GPR143: variants seen among roughly 807,000 people sequenced by gnomAD.
GPR143 encodes the protein G protein-coupled receptor 143, also known as G-protein coupled receptor 143.
GPR143 carries 8 observed loss-of-function variants against 27.6 expected under a neutral mutation model. That is an observed-to-expected ratio of 0.29 (90% CI 0.17 to 0.52). The LOEUF (loss-of-function observed/expected upper bound fraction) is 0.52, where lower values mean the gene tolerates loss of function less well. GPR143 is among the 20% of genes least tolerant of loss of function. GPR143 has a pLI of 0.96. For missense variants in GPR143, 303 were observed against 343.1 expected (o/e 0.88, Z 0.92); for synonymous variants, 156 against 153.2 (o/e 1.02, Z -0.13).
chrX:9,738,615 G>GTTTGTT (rs1343344588), intron 8 of GPR143: 2 of 468,922 alleles, frequency 4.3e-6, no homozygotes, highest in Non-Finnish European at 5.3e-6. Flanking sequence ...CAATGTATTT[G>GTTTGTT]TTTGTTTTTG....
chrX:9,778,136 C>A (rs2083576780), intron 1 of GPR143, among the ~76,000 whole-genome samples: 1 of 111,741 alleles, frequency 8.9e-6, no homozygotes. Context: ...AAGCAAGCGG[C>A]TTACAAGAAA....
chrX:9,726,775 T>C (rs1364092450), intron 8 of GPR143, among the ~76,000 whole-genome samples: 1 of 111,856 alleles, frequency 8.9e-6, no homozygotes, highest in Non-Finnish European at 1.9e-5. Context: ...GTGGGGCTAA[T>C]TCTACCTGGC....
In GPR143 at chrX:9,746,083, C is replaced by A; in HGVS notation, c.619G>T (p.Val207Leu). The A allele has an allele frequency of 8.3e-7, 1 of 1,203,078 alleles. No individual in the cohort carries two copies. Among genetic ancestry groups the A allele is most frequent in the Non-Finnish European group, 1.1e-6 (1 of 887,803 alleles). ...TTTTGGAACAGGATGGGGTTCGCCA[C>A]GAGAACCAGCAGCAGGGGCAGGTAC... ...TMYLPLLLVL[V>L]ANPILFQKTV... Residue 207 changes from valine (V) to leucine (L), a missense_variant, in exon 5 of 9, where the codon GTG becomes TTG. Transcript: ENST00000467482.
At chrX:9,770,952 T>G (rs761777162), upstream of GPR143, among the ~76,000 whole-genome samples, 1 of 111,747 alleles carries the variant, frequency 8.9e-6, no homozygotes, top group Non-Finnish European at 1.9e-5. Context: ...TGAGCAATGG[T>G]ATAGATTCTG....
rs184521924 is a variant in GPR143 at position 9,725,965 on chromosome X, C to T, written c.1121-125G>A. 1,056 of 252,447 alleles carry T rather than the reference C, an allele frequency of 4.2e-3. 10 individuals carry two copies. In the African/African-American group the frequency reaches 0.043, roughly 10 times the overall value. 20.8% of individuals were successfully genotyped at this position (252,447 alleles called of 1,213,427 possible). Reference sequence around the variant, plus strand: ...GGACCAACTTTGGTCAAAGTCCTAGCATTCATCTCATCTGCAAAAAAAAAA... The same window carrying T: ...GGACCAACTTTGGTCAAAGTCCTAGTATTCATCTCATCTGCAAAAAAAAAA... On this transcript the variant is annotated intron_variant, in intron 8 of 8. Transcript: ENST00000467482.
chrX:9,748,034 G>C lies in GPR143; in HGVS notation c.548+540C>G, dbSNP rs141049648. 718 of 118,566 alleles carry C rather than the reference G, an allele frequency of 6.1e-3. 7 individuals are homozygous for C. Among genetic ancestry groups the C allele is most frequent in the African/African-American group, 0.022 (673 of 31,092 alleles). 9.8% of individuals were successfully genotyped at this position (118,566 alleles called of 1,213,427 possible). A position where few individuals can be genotyped will look rare whatever the true frequency, so the allele number is the denominator to read the frequency against. The stretch of plus-strand genomic sequence containing the variant: ...GTTGCATGGACAGGAATGTAAACTT[G>C]AGGAAATGCTTGAGACAGTTCCAGC... On this transcript the variant is annotated intron_variant, in intron 4 of 8. Coordinates refer to ENST00000467482, the MANE Select transcript of GPR143 (RefSeq NM_000273.3).
chrX:9,766,917 A>T (rs1170128189), upstream of GPR143, among the ~76,000 whole-genome samples: 12 of 104,750 alleles, frequency 1.1e-4, no homozygotes, highest in African/African-American at 4.0e-4. Context: ...ACACACACAC[A>T]CACACACACA....
At chrX:9,725,970 A>G in intron 8 of GPR143, 130 bp from the exon 9 acceptor site, 11 of 644,553 alleles carry the variant, frequency 1.7e-5, no homozygotes, top group East Asian at 1.1e-4. Context: ...CCTAGCATTC[A>G]TCTCATCTGC....
intron 8 of GPR143, 86 bp from the exon 9 acceptor site, chrX:9,725,926 A>G (rs2083323814): frequency 3.1e-6 from 3 of 980,320 alleles, no homozygotes; most frequent in East Asian, 6.8e-5. Context: ...TATTCAGTGC[A>G]TGGAGTTTTT....
chrX:9,755,333 G>A (rs1007861511), intron 3 of GPR143, among the ~76,000 whole-genome samples: 5 of 111,547 alleles, frequency 4.5e-5, no homozygotes, highest in Non-Finnish European at 7.5e-5. Context: ...CAGGAGAATC[G>A]CTTGAACCCA....
rs2083320888 is a variant in GPR143, at chrX:9,725,467, A to C, written c.*279T>G. The C allele has an allele frequency of 3.1e-6, 1 of 323,834 alleles. No individual in the cohort carries two copies. The highest frequency in any genetic ancestry group is 5.4e-6 in the Non-Finnish European group (1 of 185,952). 26.7% of individuals were successfully genotyped at this position (323,834 alleles called of 1,213,427 possible). A position where few individuals can be genotyped will look rare whatever the true frequency, so the allele number is the denominator to read the frequency against. Reference sequence around the variant, plus strand: ...CCCCAAGGATGTGGACCTTACACTTACTTTACAGCCAGCCTCAGAAAACTT... The same window carrying C: ...CCCCAAGGATGTGGACCTTACACTTCCTTTACAGCCAGCCTCAGAAAACTT... On this transcript the variant is annotated 3_prime_UTR_variant, in exon 9 of 9. Coordinates refer to ENST00000467482, the MANE Select transcript of GPR143 (RefSeq NM_000273.3).
At chrX:9,734,606 C>T (rs1054857889) in intron 8 of GPR143, among the ~76,000 whole-genome samples, 3 of 112,143 alleles carry the variant, frequency 2.7e-5, no homozygotes, top group African/African-American at 9.7e-5. Context: ...TCAGCCTCAC[C>T]GGCCTGGGCT....
chrX:9,746,056 T>C lies in GPR143; in HGVS notation c.646A>G (p.Thr216Ala). The change falls in exon 5 of 9, where the codon ACA (threonine) becomes GCA (alanine). Residue 216 changes from threonine to alanine, a missense_variant. Transcript: ENST00000467482. Reference protein sequence around the residue: ...LVANPILFQKTVTAVASLLKG... With the variant: ...LVANPILFQKAVTAVASLLKG... Reference sequence around the variant, plus strand: ...CCCTAGTATTTACCTGCAGTCACTGTCTTTTGGAACAGGATGGGGTTCGCC... The same window carrying C: ...CCCTAGTATTTACCTGCAGTCACTGCCTTTTGGAACAGGATGGGGTTCGCC... The C allele has an allele frequency of 8.5e-7, 1 of 1,178,445 alleles. No homozygotes were observed. The highest frequency in any genetic ancestry group is 1.2e-6 in the Non-Finnish European group (1 of 865,076).
intron 3 of GPR143, 67 bp downstream of exon 3, chrX:9,759,265 C>G: frequency 1.5e-6 from 1 of 677,312 alleles, no homozygotes; most frequent in Non-Finnish European, 2.4e-6. Flanking sequence ...TTTAAACGCT[C>G]AGTGCCATCT....
At chrX:9,741,242 C>T in intron 7 of GPR143, 96 bp downstream of exon 7, 2 of 456,540 alleles carry the variant, frequency 4.4e-6, no homozygotes. Context: ...ATGATCATGC[C>T]ACCGCTTTCC....
chrX:9,728,399 C>CAAA (rs59182343), intron 8 of GPR143, among the ~76,000 whole-genome samples: 93 of 77,135 alleles, frequency 1.2e-3, no homozygotes, highest in African/African-American at 3.4e-3. Flanking sequence ...TGTTAAGGAA[C>CAAA]AAAAAAAAAA....
chrX:9,752,646 T>C (rs978220888), intron 3 of GPR143, among the ~76,000 whole-genome samples: 4 of 111,196 alleles, frequency 3.6e-5, no homozygotes, highest in Non-Finnish European at 7.5e-5. Context: ...TAACCCACCA[T>C]TGCTGGCTTT....
chrX:9,746,084 G>A lies in GPR143; in HGVS notation c.618C>T (p.Leu206=), dbSNP rs765992761. The change falls in exon 5 of 9, where the codon CTC becomes CTT. Residue 206 remains leucine, a synonymous_variant. Transcript: ENST00000467482. ...TTTGGAACAGGATGGGGTTCGCCACGAGAACCAGCAGCAGGGGCAGGTACA... is the reference window on the plus strand; with the variant it reads ...TTTGGAACAGGATGGGGTTCGCCACAAGAACCAGCAGCAGGGGCAGGTACA... ...VTMYLPLLLV[L]VANPILFQKT... 2 of 1,204,207 alleles carry A rather than the reference G, an allele frequency of 1.7e-6. No homozygotes were observed. The highest frequency in any genetic ancestry group is 2.3e-6 in the Non-Finnish European group (2 of 888,566).
chrX:9,757,465 A>G (rs1264412361), intron 3 of GPR143, among the ~76,000 whole-genome samples: 1 of 112,545 alleles, frequency 8.9e-6, no homozygotes, highest in Admixed American at 9.4e-5. Context: ...AACCGTGAAA[A>G]TGTTACACTG....
Sources: gnomAD v4.1 joint callset for allele counts (sites outside exome capture counted in the v4.1 genomes callset) on GRCh38, gnomAD v4.1.1 for gene constraint, MANE v1.5 for transcripts, NCBI Gene and HGNC (gene_info 2026-07-23, HGNC 2026-07-21) for gene names.